Variants in XRCC4 observed in about 807,000 individuals in gnomAD.
XRCC4 encodes DNA repair protein XRCC4.
A neutral mutation model predicts 39.1 loss-of-function variants in XRCC4; 28 were observed. That is an observed-to-expected ratio of 0.72 (90% confidence interval 0.53 to 0.98). The LOEUF (loss-of-function observed/expected upper bound fraction) is 0.98. Ranked by LOEUF, XRCC4 falls within the 50% of genes least tolerant of loss-of-function variation. The pLI is 0.00. For missense variants in XRCC4, 350 were observed against 376.4 expected, an observed-to-expected ratio of 0.93 and a Z score of 0.58; for synonymous variants, 123 against 126.4, an observed-to-expected ratio of 0.97 and a Z score of 0.18.
At chr5:83,094,851 C>T (rs1171783577) in intron 1 of XRCC4, among the ~76,000 whole-genome samples, 1 of 149,112 alleles carries the variant, frequency 6.7e-6, no homozygotes, top group Non-Finnish European at 1.5e-5. Flanking sequence ...ATGTGCTGCC[C>T]ATTTAACTTT....
chr5:83,209,957 G>T (rs966139559), intron 6 of XRCC4, among the ~76,000 whole-genome samples: 5 of 152,072 alleles, frequency 3.3e-5, no homozygotes, highest in Admixed American at 6.6e-5. Flanking sequence ...CAACAGGAAG[G>T]TCCCTGTATA....
rs370156200 is a variant in XRCC4 at position 83,129,732 on chromosome 5, T to A, written c.315+18529T>A. On this transcript the variant is annotated intron_variant, in intron 3 of 7. Coordinates refer to ENST00000396027, the MANE Select transcript of XRCC4 (RefSeq NM_003401.5). ...ATTCCTAGGTATTTTATTCTCTTTG[T>A]AGCAATTGTGAATGGGAGTTCACTC... Among the ~76,000 whole-genome samples the A allele has an allele frequency of 3.5e-3, 540 of 152,192 alleles. 3 individuals are homozygous for A. Among genetic ancestry groups the A allele is most frequent in the African/African-American group, 0.012 (507 of 41,532 alleles).
rs139102987 is a variant in XRCC4 at position 83,225,517 on chromosome 5, A to G, written c.745+20596A>G. On this transcript the variant is annotated intron_variant, in intron 6 of 7. Coordinates refer to ENST00000396027, the MANE Select transcript of XRCC4 (RefSeq NM_003401.5). ...TATTTAGGATCACAAAGCCCCCTTG[A>G]CTTTCATGGCTAAGTTGTTAAGGAG... 1.1e-3 allele frequency among the ~76,000 whole-genome samples: 159 copies of G among 150,032 alleles called. 2 individuals are homozygous for G. Among genetic ancestry groups the G allele is most frequent in the Non-Finnish European group, 1.4e-3 (96 of 67,738 alleles).
intron 7 of XRCC4, among the ~76,000 whole-genome samples, chr5:83,261,022 A>G (rs1022792871): frequency 6.6e-6 from 1 of 152,014 alleles, no homozygotes; most frequent in African/African-American, 2.4e-5. Context: ...CAAATAAAAC[A>G]AAATGTTAAA....
intron 3 of XRCC4, among the ~76,000 whole-genome samples, chr5:83,120,015 A>AT (rs1746927419): frequency 6.8e-6 from 1 of 147,772 alleles, no homozygotes; most frequent in African/African-American, 2.6e-5. Context: ...AAAAAAAAAA[A>AT]CAATAACAGA....
chr5:83,364,674 A>G, the XRCC4 span, among the ~76,000 whole-genome samples: 1 of 152,208 alleles, frequency 6.6e-6, no homozygotes, highest in African/African-American at 2.4e-5. Context: ...CAGTCCTATG[A>G]AGAGGACACC....
intron 1 of XRCC4, among the ~76,000 whole-genome samples, chr5:83,081,793 C>T (rs540238896): frequency 6.6e-6 from 1 of 152,330 alleles, no homozygotes; most frequent in East Asian, 1.9e-4. Flanking sequence ...AACAAAAATC[C>T]TCTAAAGAGT....
At chr5:83,333,808 C>T (rs962770300) in intron 7 of XRCC4, among the ~76,000 whole-genome samples, 1 of 148,570 alleles carries the variant, frequency 6.7e-6, no homozygotes, top group African/African-American at 2.5e-5. Context: ...CTTGCTCTGT[C>T]GCCAAGGCTG....
At chr5:83,166,986 A>G (rs1749512264) in intron 3 of XRCC4, among the ~76,000 whole-genome samples, 1 of 151,828 alleles carries the variant, frequency 6.6e-6, no homozygotes, top group Non-Finnish European at 1.5e-5. Flanking sequence ...GGTTCAAACA[A>G]TTCTCCTGCC....
At chr5:83,242,046 G>A (rs1752931774) in intron 6 of XRCC4, among the ~76,000 whole-genome samples, 1 of 149,678 alleles carries the variant, frequency 6.7e-6, no homozygotes, top group Non-Finnish European at 1.5e-5. Flanking sequence ...AGAAGGAAGG[G>A]GAAGCAGGAG....
intron 3 of XRCC4, among the ~76,000 whole-genome samples, chr5:83,148,859 A>G (rs1046211524): frequency 2.6e-5 from 4 of 151,612 alleles, no homozygotes; most frequent in African/African-American, 9.7e-5. Flanking sequence ...TAATAATAAC[A>G]ATGAAGAAAT....
chr5:83,275,942 C>T (rs1754316463), intron 7 of XRCC4, among the ~76,000 whole-genome samples: 1 of 152,080 alleles, frequency 6.6e-6, no homozygotes, highest in Non-Finnish European at 1.5e-5. Flanking sequence ...TTGATTATAC[C>T]TGGATTTGAT....
intron 7 of XRCC4, among the ~76,000 whole-genome samples, chr5:83,287,188 A>T (rs1266487126): frequency 6.6e-6 from 1 of 152,078 alleles, no homozygotes; most frequent in Non-Finnish European, 1.5e-5. Context: ...GAAATTGAAA[A>T]AGAAGGGCAT....
the XRCC4 span, among the ~76,000 whole-genome samples, chr5:83,366,974 G>GT: frequency 6.6e-6 from 1 of 151,988 alleles, no homozygotes; most frequent in Non-Finnish European, 1.5e-5. Flanking sequence ...GTGTTTATTT[G>GT]TTTTTTTGGC....
chr5:83,212,241 T>G (rs766353890), intron 6 of XRCC4, among the ~76,000 whole-genome samples: 26 of 151,972 alleles, frequency 1.7e-4, no homozygotes, highest in Non-Finnish European at 3.2e-4. Context: ...GTAAAGATTC[T>G]CAATAAGGAG....
chr5:83,094,518 G>A (rs570969912), intron 1 of XRCC4, among the ~76,000 whole-genome samples: 7 of 150,938 alleles, frequency 4.6e-5, no homozygotes, highest in South Asian at 2.1e-4. Context: ...CTTCCTCAAG[G>A]CAGCTGTTCA....
At chr5:83,306,876 G>A (rs1755508556) in intron 7 of XRCC4, among the ~76,000 whole-genome samples, 1 of 152,086 alleles carries the variant, frequency 6.6e-6, no homozygotes, top group Non-Finnish European at 1.5e-5. Context: ...ACAGAACAGA[G>A]AACAGAAAGC....
chr5:83,099,494 A>G (rs987167789), intron 1 of XRCC4, among the ~76,000 whole-genome samples: 1 of 152,212 alleles, frequency 6.6e-6, no homozygotes, highest in Admixed American at 6.6e-5. Flanking sequence ...TTGTTTATTC[A>G]GAAGCAACTG....
intron 3 of XRCC4, among the ~76,000 whole-genome samples, chr5:83,156,088 C>T (rs544382489): frequency 6.6e-6 from 1 of 152,026 alleles, no homozygotes; most frequent in African/African-American, 2.4e-5. Flanking sequence ...TGCTATTTTC[C>T]TGTGCTTTGG....
Sources: allele counts gnomAD v4.1 joint callset (sites outside exome capture counted in the v4.1 genomes callset), GRCh38; gene constraint gnomAD v4.1.1; transcripts MANE v1.5; gene names NCBI Gene and HGNC (gene_info 2026-07-23, HGNC 2026-07-21).